Variants in TENM4 observed in about 807,000 individuals in gnomAD.
The protein encoded by TENM4 is teneurin-4.
A neutral mutation model predicts 243.3 loss-of-function variants in TENM4; 82 were observed. That is an observed-to-expected ratio of 0.34 (90% CI 0.28 to 0.40). TENM4 has a LOEUF of 0.40. Among genes scored for constraint, TENM4 ranks in the 10% least tolerant of loss-of-function variants. The pLI is 1.00. For missense variants in TENM4, 3,138 were observed against 3,673.3 expected, an observed-to-expected ratio of 0.85 and a Z score of 3.77; for synonymous variants, 1,412 against 1,456.3, an observed-to-expected ratio of 0.97 and a Z score of 0.69.
rs76936423 is a variant in TENM4, at chr11:78,774,985, G to T, written c.2392+3617C>A. Reference sequence around the variant, plus strand: ...TCTTATAATCACAAACCATACTTCTGAAAGTGAACCTTGTGAAATAGTAGT... The same window carrying T: ...TCTTATAATCACAAACCATACTTCTTAAAGTGAACCTTGTGAAATAGTAGT... On this transcript the variant is annotated intron_variant, in intron 17 of 33. Coordinates refer to ENST00000278550, the MANE Select transcript of TENM4 (RefSeq NM_001098816.3). Among the ~76,000 whole-genome samples the T allele has an allele frequency of 9.7e-3, 1,478 of 152,288 alleles. 11 individuals carry two copies. Among genetic ancestry groups the T allele is most frequent in the Middle Eastern group, 0.017 (5 of 294 alleles).
At chr11:79,311,470 CG>C (rs1856720375) in intron 1 of TENM4, among the ~76,000 whole-genome samples, 1 of 152,174 alleles carries the variant, frequency 6.6e-6, no homozygotes, top group East Asian at 1.9e-4. Flanking sequence ...ACAGACACAG[CG>C]GATGTGCTAC....
chr11:78,856,105 G>C lies in TENM4; in HGVS notation c.1329C>G (p.Ser443=). ...AGAAAGTGCCAGGAGGAATCTTCTG[G>C]GAAGCTCGCCTTCCCACATCAATTT... ...SGEIDVGRRA[S]QKIPPGTFWR... Residue 443 remains serine (S), a synonymous_variant, in exon 11 of 34, where the codon TCC becomes TCG. Coordinates refer to ENST00000278550, the MANE Select transcript of TENM4 (RefSeq NM_001098816.3). 2.6e-6 allele frequency: 4 copies of C among 1,551,602 alleles called. No homozygotes were observed. The Admixed American group carries it at 7.8e-5, about 30-fold the overall frequency.
At chr11:79,137,920 A>T (rs12791958) in intron 4 of TENM4, among the ~76,000 whole-genome samples, 29,326 of 151,802 alleles carry the variant, frequency 0.19, 2,948 homozygotes, top group South Asian at 0.23. Flanking sequence ...CAAGGGGTGG[A>T]CTTGTGATTG....
chr11:79,124,934 T>C (rs1286066681), intron 4 of TENM4, among the ~76,000 whole-genome samples: 4 of 150,322 alleles, frequency 2.7e-5, no homozygotes, highest in African/African-American at 9.8e-5. Context: ...TGTATATATA[T>C]ATATTTGATT....
At position 78,856,045 on chromosome 11, in the gene TENM4, A is replaced by G; in HGVS notation, c.1389T>C (p.His463=). 1 of 1,551,730 alleles carries G rather than the reference A, an allele frequency of 6.4e-7. No individual in the cohort carries two copies. Among genetic ancestry groups the G allele is most frequent in the Non-Finnish European group, 8.7e-7 (1 of 1,147,000 alleles). ...TTCCCAGAGACACATTGAATTTCAG[A>G]TGCACAGGATGGTCTATGAACACTT... is the stretch of plus-strand genomic sequence containing the variant. The part of the protein sequence containing the change: ...RSQVFIDHPV[H]LKFNVSLGKA... The change falls in exon 11 of 34, where the codon CAT becomes CAC. Residue 463 remains histidine (H), a synonymous_variant. Coordinates refer to ENST00000278550, the MANE Select transcript of TENM4 (RefSeq NM_001098816.3).
Position 79,347,688 on chromosome 11 carries a change from C to T in TENM4, c.-320-50145G>A, listed in dbSNP as rs190170270. 1.5e-3 allele frequency among the ~76,000 whole-genome samples: 229 copies of T among 151,880 alleles called. 2 individuals are homozygous for T. Among genetic ancestry groups the T allele is most frequent in the African/African-American group, 5.1e-3 (213 of 41,392 alleles). On this transcript the variant is annotated intron_variant, in intron 1 of 33. Coordinates refer to ENST00000278550, the MANE Select transcript of TENM4 (RefSeq NM_001098816.3). ...TATGCTTCCTTCAGCCTCCATTTCC[C>T]TGTCTATAAAAACAGGAACATGCAG...
At chr11:78,817,182 G>A (rs534683949) in intron 12 of TENM4, among the ~76,000 whole-genome samples, 3 of 152,334 alleles carry the variant, frequency 2.0e-5, no homozygotes, top group East Asian at 3.9e-4. Context: ...CTCAGAGGAC[G>A]TGGGCTTGAA....
At chr11:79,426,439 G>A (rs1038752983) in intron 1 of TENM4, among the ~76,000 whole-genome samples, 4 of 152,098 alleles carry the variant, frequency 2.6e-5, no homozygotes, top group Non-Finnish European at 5.9e-5. Flanking sequence ...TGGAAAATGG[G>A]AACTAACAAG....
At chr11:79,098,453 G>A (rs1861140708) in intron 4 of TENM4, among the ~76,000 whole-genome samples, 1 of 152,148 alleles carries the variant, frequency 6.6e-6, no homozygotes, top group Non-Finnish European at 1.5e-5. Context: ...CCTCCACTCA[G>A]CACGAGTCTG....
At chr11:79,225,702 C>T (rs934605781) in intron 2 of TENM4, among the ~76,000 whole-genome samples, 17 of 152,132 alleles carry the variant, frequency 1.1e-4, no homozygotes, top group African/African-American at 4.1e-4. Context: ...TGGTCTCGAA[C>T]TCCTGAGCTC....
chr11:78,824,635 G>A (rs2136130658), intron 12 of TENM4, among the ~76,000 whole-genome samples: 1 of 151,776 alleles, frequency 6.6e-6, no homozygotes, highest in South Asian at 2.1e-4. Flanking sequence ...CCAAGTAGCT[G>A]GGACTACAGG....
At chr11:78,894,042 T>A (rs1481421540) in intron 7 of TENM4, among the ~76,000 whole-genome samples, 1 of 152,118 alleles carries the variant, frequency 6.6e-6, no homozygotes, top group Non-Finnish European at 1.5e-5. Context: ...AGGCACTCAA[T>A]AAATATGTGC....
At chr11:78,953,162 T>C (rs1426849909) in intron 6 of TENM4, among the ~76,000 whole-genome samples, 1 of 152,170 alleles carries the variant, frequency 6.6e-6, no homozygotes, top group Non-Finnish European at 1.5e-5. Flanking sequence ...ACTCCATCGC[T>C]GGAACTATGG....
intron 6 of TENM4, among the ~76,000 whole-genome samples, chr11:79,031,126 A>G (rs12801804): frequency 0.39 from 58,579 of 152,052 alleles, 12,677 homozygotes; most frequent in African/African-American, 0.59. Context: ...AGTGCCTGAC[A>G]TGGAGGAGGG....
intron 12 of TENM4, among the ~76,000 whole-genome samples, chr11:78,821,174 AAGGTCTAGG>A (rs1385601290): frequency 6.6e-6 from 1 of 152,226 alleles, no homozygotes; most frequent in East Asian, 1.9e-4. Context: ...GCTCTAAGGA[AAGGTCTAGG>A]AGAAAGATTG....
intron 3 of TENM4, among the ~76,000 whole-genome samples, chr11:79,198,184 T>A (rs1404715059): frequency 6.6e-6 from 1 of 152,238 alleles, no homozygotes; most frequent in African/African-American, 2.4e-5. Context: ...TTAGTTTCTG[T>A]GAGGACAGCC....
At chr11:79,241,987 C>A (rs545355208) in intron 2 of TENM4, among the ~76,000 whole-genome samples, 28 of 152,296 alleles carry the variant, frequency 1.8e-4, no homozygotes, top group Non-Finnish European at 4.0e-4. Context: ...GGCAGCCCAG[C>A]CATAAGGCAA....
intron 1 of TENM4, among the ~76,000 whole-genome samples, chr11:79,394,040 C>G (rs952905055): frequency 6.6e-6 from 1 of 152,158 alleles, no homozygotes; most frequent in Non-Finnish European, 1.5e-5. Context: ...AGAATTGAAC[C>G]CTGGCTCCCC....
At chr11:79,351,267 T>TG (rs531565637) in intron 1 of TENM4, among the ~76,000 whole-genome samples, 3 of 152,194 alleles carry the variant, frequency 2.0e-5, no homozygotes, top group Non-Finnish European at 2.9e-5. Context: ...TTCTCATATA[T>TG]GGTATCATCT....
Sources: gnomAD v4.1 joint callset for allele counts (sites outside exome capture counted in the v4.1 genomes callset) on GRCh38, gnomAD v4.1.1 for gene constraint, MANE v1.5 for transcripts, NCBI Gene and HGNC (gene_info 2026-07-23, HGNC 2026-07-21) for gene names.